NUP188: variants seen among roughly 807,000 people sequenced by gnomAD.
NUP188 encodes the protein nucleoporin 188.
In NUP188, 97 loss-of-function variants were observed where a neutral mutation model predicts 223.0. That is an observed-to-expected ratio of 0.43 (90% confidence interval 0.37 to 0.51). NUP188 has a LOEUF of 0.51. Ranked by LOEUF, NUP188 falls within the 20% of genes least tolerant of loss-of-function variation. NUP188 has a pLI of 0.00. For missense variants in NUP188, 1,947 were observed against 2,175.6 expected (o/e 0.89, Z 2.09); for synonymous variants, 869 against 828.0 (o/e 1.05, Z -0.85).
chr9:128,985,032 T>G lies in NUP188; in HGVS notation c.2076+18T>G. ...TTGTCAAGGTACAGTCTGATTTTGTTCACAAAGGGCAGAAAAAGAAAAGGT... is the reference window on the plus strand; with the variant it reads ...TTGTCAAGGTACAGTCTGATTTTGTGCACAAAGGGCAGAAAAAGAAAAGGT... On this transcript the variant is annotated intron_variant, in intron 20 of 43. Coordinates refer to ENST00000372577, the MANE Select transcript of NUP188 (RefSeq NM_015354.3). The G allele has an allele frequency of 6.4e-7, 1 of 1,563,794 alleles. No homozygotes were observed. Among genetic ancestry groups the G allele is most frequent in the Non-Finnish European group, 8.8e-7 (1 of 1,136,830 alleles).
intron 34 of NUP188, among the ~76,000 whole-genome samples, chr9:129,001,118 T>C (rs1842653951): frequency 6.6e-6 from 1 of 152,006 alleles, no homozygotes; most frequent in Non-Finnish European, 1.5e-5. Context: ...TTAGAGAGGA[T>C]GGAGCAGGAT....
chr9:128,979,211 G>A (rs1411772857), intron 12 of NUP188, 51 bp from the exon 13 acceptor site: 3 of 1,305,868 alleles, frequency 2.3e-6, no homozygotes, highest in Non-Finnish European at 3.3e-6. Flanking sequence ...AATAAAGATA[G>A]ACTGGTTCAG....
In NUP188 at chr9:128,993,254, G is replaced by A. The variant is rs770960172; in HGVS notation, c.2698G>A (p.Ala900Thr). 2.5e-6 allele frequency: 4 copies of A among 1,614,194 alleles called. No individual in the cohort carries two copies. Among genetic ancestry groups the A allele is most frequent in the Non-Finnish European group, 3.4e-6 (4 of 1,180,014 alleles). ...CAATGATGCGGCTGCCATTCGTGATGCCTTCCTGACCCGATTGCAGAGCAA... is the reference window on the plus strand; with the variant it reads ...CAATGATGCGGCTGCCATTCGTGATACCTTCCTGACCCGATTGCAGAGCAA... ...LGNDAAAIRD[A>T]FLTRLQSKIE... The change falls in exon 26 of 44, where the codon GCC becomes ACC. Residue 900 changes from alanine (A) to threonine (T), a missense_variant. Physicochemically the swap from Ala to Thr is moderately conservative, Grantham distance 58. Coordinates refer to ENST00000372577, the MANE Select transcript of NUP188 (RefSeq NM_015354.3).
At chr9:128,968,871 C>T (rs1414209989) in intron 9 of NUP188, among the ~76,000 whole-genome samples, 154 bp downstream of exon 9, 2 of 152,148 alleles carry the variant, frequency 1.3e-5, no homozygotes, top group South Asian at 4.1e-4. Flanking sequence ...GGAGTAAAGA[C>T]TGGGATTGAG....
chr9:128,979,531 TAGAA>T (rs953320198), intron 13 of NUP188, among the ~76,000 whole-genome samples: 2 of 152,060 alleles, frequency 1.3e-5, no homozygotes, highest in South Asian at 2.1e-4. Context: ...AAGTCACACA[TAGAA>T]AGAGGCAGCC....
intron 1 of NUP188, 192 bp downstream of exon 1, chr9:128,947,943 C>T (rs1247883874): frequency 4.8e-6 from 2 of 420,330 alleles, no homozygotes; most frequent in South Asian, 1.2e-4. Flanking sequence ...GAGTCTTCTT[C>T]AGGAGGGGGG....
At chr9:128,954,271 G>A (rs1422542599) in intron 3 of NUP188, among the ~76,000 whole-genome samples, 2 of 150,904 alleles carry the variant, frequency 1.3e-5, no homozygotes, top group Non-Finnish European at 2.9e-5. Flanking sequence ...CTGGAGTGCA[G>A]TGGCACGATC....
In NUP188 at chr9:129,002,847, GC is replaced by G; in HGVS notation, c.4173del (p.Ser1392LeufsTer12). 6.2e-7 allele frequency: 1 copy of G among 1,614,192 alleles called. No homozygotes were observed. Among genetic ancestry groups the G allele is most frequent in the Non-Finnish European group, 8.5e-7 (1 of 1,180,032 alleles). On this transcript the variant is annotated frameshift_variant, in exon 37 of 44. Coordinates refer to ENST00000372577, the MANE Select transcript of NUP188 (RefSeq NM_015354.3). LOFTEE classifies it high-confidence loss of function. ...TPSASRKSLD[A>X]PSWPGVYRLS... ...TAGTGCCTCTCGGAAGTCCCTGGATGCCCCCTCTTGGCCAGGAGTCTACCGC... is the reference window on the plus strand; with the variant it reads ...TAGTGCCTCTCGGAAGTCCCTGGATGCCCCTCTTGGCCAGGAGTCTACCGC...
intron 8 of NUP188, 104 bp downstream of exon 8, chr9:128,959,238 C>T: frequency 5.0e-6 from 4 of 799,182 alleles, no homozygotes; most frequent in Non-Finnish European, 7.3e-6. Flanking sequence ...TCACTGCAAC[C>T]TCCATCTCCT....
At chr9:129,000,155 C>G (rs1842615426) in intron 34 of NUP188, among the ~76,000 whole-genome samples, 1 of 152,176 alleles carries the variant, frequency 6.6e-6, no homozygotes. Context: ...GATTTTTACT[C>G]TAGAAAGATC....
chr9:129,006,630 G>C lies in NUP188; in HGVS notation c.5202G>C (p.Glu1734Asp), dbSNP rs1233330579. The C allele has an allele frequency of 1.9e-6, 3 of 1,614,056 alleles. No homozygotes were observed. The highest frequency in any genetic ancestry group is 4.5e-5 in the East Asian group (2 of 44,894). Residue 1734 changes from glutamate (E) to aspartate (D), a missense_variant, in exon 44 of 44, where the codon GAG becomes GAC. This residue lies in a region of NUP188 where 905 missense variants were observed against 990.6 expected (regional missense o/e 0.91). Coordinates refer to ENST00000372577, the MANE Select transcript of NUP188 (RefSeq NM_015354.3). ...CCAAAGCCAGCCCTGAGAGTCAGGA[G>C]CCTCTGATCCAGTTGGTGCAGGCGT... ...SLSKASPESQ[E>D]PLIQLVQAFV...
Position 129,006,299 on chromosome 9 carries a change from G to T in NUP188, c.5004G>T (p.Arg1668=). Residue 1668 remains arginine (R), a synonymous_variant, in exon 43 of 44, where the codon CGG becomes CGT. Coordinates refer to ENST00000372577, the MANE Select transcript of NUP188 (RefSeq NM_015354.3). ...CFYLLISQAM[R]YLRDPAVHPR... ...ACCTGCTCATCTCTCAGGCGATGCGGTACCTTAGGGACCCGGCTGTGCACC... is the reference window on the plus strand; with the variant it reads ...ACCTGCTCATCTCTCAGGCGATGCGTTACCTTAGGGACCCGGCTGTGCACC... 1 of 1,614,156 alleles carries T rather than the reference G, an allele frequency of 6.2e-7. No homozygotes were observed. Among genetic ancestry groups the T allele is most frequent in the Non-Finnish European group, 8.5e-7 (1 of 1,180,034 alleles).
intron 8 of NUP188, among the ~76,000 whole-genome samples, chr9:128,959,443 AT>A (rs1357497012): frequency 6.6e-6 from 1 of 151,864 alleles, no homozygotes; most frequent in Non-Finnish European, 1.5e-5. Flanking sequence ...CACCTGGCCT[AT>A]AACTCTTAGG....
chr9:128,953,870 G>A (rs1398301080), intron 3 of NUP188, among the ~76,000 whole-genome samples: 6 of 150,806 alleles, frequency 4.0e-5, no homozygotes, highest in South Asian at 2.1e-4. Context: ...TTGCTCTGTC[G>A]CCCAGACTGG....
intron 12 of NUP188, among the ~76,000 whole-genome samples, chr9:128,973,587 C>T (rs1181953415): frequency 6.6e-6 from 1 of 151,978 alleles, no homozygotes; most frequent in Admixed American, 6.6e-5. Flanking sequence ...TTCACCATGT[C>T]GACCAGGCTG....
chr9:128,952,514 G>A (rs1027443987), intron 2 of NUP188, among the ~76,000 whole-genome samples: 1 of 152,150 alleles, frequency 6.6e-6, no homozygotes, highest in African/African-American at 2.4e-5. Flanking sequence ...CTTGAGGTGG[G>A]GAGTTCGAGA....
chr9:128,959,046 A>T lies in NUP188; in HGVS notation c.497A>T (p.Glu166Val). ...TATGCAGACTGTGTTGATAAATTGG[A>T]GAAGGAACTAGTTTCAAAATACAGA... ...VEYADCVDKL[E>V]KELVSKYRQQ... is the part of the protein sequence containing the mutation. Residue 166 changes from glutamate to valine, a missense_variant, in exon 8 of 44, where the codon GAG becomes GTG. Glu to Val is a moderately radical substitution (Grantham distance 121, BLOSUM62 -2). Transcript: ENST00000372577. 1 of 1,594,878 alleles carries T rather than the reference A, an allele frequency of 6.3e-7. No individual in the cohort carries two copies. Among genetic ancestry groups the T allele is most frequent in the Non-Finnish European group, 8.6e-7 (1 of 1,167,900 alleles).
intron 15 of NUP188, 106 bp downstream of exon 15, chr9:128,981,496 T>TTTGAGGCTG: frequency 8.5e-7 from 1 of 1,172,862 alleles, no homozygotes; most frequent in Non-Finnish European, 1.2e-6. Context: ...CACTGCAGCC[T>TTTGAGGCTG]CAAATTCTTG....
rs748979473 is a variant in NUP188, at chr9:128,952,859, CG to C, written c.161+16del. On this transcript the variant is annotated intron_variant, in intron 3 of 43. Transcript: ENST00000372577. ...ACAAACCTCCCAGGTATGGCAGTTC[CG>C]GGTGTCTGGTTAAAGTAATTGTCCT... is the stretch of plus-strand genomic sequence containing the variant. 11 of 1,606,414 alleles carry C rather than the reference CG, an allele frequency of 6.8e-6. No homozygotes were observed. The highest frequency in any genetic ancestry group is 9.4e-6 in the Non-Finnish European group (11 of 1,173,314).
Sources: allele counts gnomAD v4.1 joint callset (sites outside exome capture counted in the v4.1 genomes callset), GRCh38; gene constraint gnomAD v4.1.1; regional missense constraint gnomAD v4.1.1; transcripts MANE v1.5; gene names NCBI Gene and HGNC (gene_info 2026-07-23, HGNC 2026-07-21).